DOCK9: variants seen among roughly 807,000 people sequenced by gnomAD.
DOCK9 encodes the protein dedicator of cytokinesis 9, also known as dedicator of cytokinesis protein 9.
DOCK9 carries 89 observed loss-of-function variants against 263.3 expected under a neutral mutation model. The observed-to-expected ratio is 0.34, with a 90% confidence interval of 0.28 to 0.40. The LOEUF is 0.40. Among genes scored for constraint, DOCK9 ranks in the 10% least tolerant of loss-of-function variants. DOCK9 has a pLI of 1.00. For synonymous variants in DOCK9, 976 were observed against 973.1 expected (o/e 1.00, Z -0.06); for missense variants, 2,140 against 2,603.4 (o/e 0.82, Z 3.87).
chr13:99,070,049 A>T (rs1252752433), intron 1 of DOCK9, among the ~76,000 whole-genome samples: 1 of 152,230 alleles, frequency 6.6e-6, no homozygotes, highest in African/African-American at 2.4e-5. Context: ...ATAAACAGTC[A>T]AATGCAAAGT....
intron 36 of DOCK9, among the ~76,000 whole-genome samples, chr13:98,849,016 C>T (rs994045368): frequency 5.3e-5 from 8 of 152,272 alleles, no homozygotes; most frequent in African/African-American, 1.9e-4. Context: ...CTTATTCATC[C>T]TCATTTACAT....
At chr13:99,025,258 C>T (rs1216797760) in intron 1 of DOCK9, 2 of 152,160 alleles carry the variant, frequency 1.3e-5, no homozygotes, top group Non-Finnish European at 2.9e-5. Flanking sequence ...ACCACATATA[C>T]TATTATAAAA....
chr13:98,830,817 A>G (rs933098361), intron 41 of DOCK9, among the ~76,000 whole-genome samples: 3 of 152,222 alleles, frequency 2.0e-5, no homozygotes, highest in Non-Finnish European at 4.4e-5. Flanking sequence ...TATGTGGACA[A>G]TAAATATTGT....
chr13:98,989,855 C>T (rs1046201822), intron 1 of DOCK9, among the ~76,000 whole-genome samples: 79 of 152,232 alleles, frequency 5.2e-4, no homozygotes, highest in African/African-American at 1.9e-3. Flanking sequence ...ACCATTCCCC[C>T]TCTTCCCCCA....
intron 20 of DOCK9, chr13:98,885,325 T>C: frequency 1.7e-6 from 1 of 585,900 alleles, no homozygotes. Context: ...ATATGCAGGC[T>C]GGGCATGGTG....
At position 98,902,273 on chromosome 13, in the gene DOCK9, G is replaced by A. The variant is rs768284899; in HGVS notation, c.1380+15C>T. ...TGAGTCTGAGTAGTGGGAATGCTGG[G>A]CTCATACTCCCCACCTGCTTCGGAT... On this transcript the variant is annotated intron_variant, in intron 12 of 52. Transcript: ENST00000682017. 1.2e-6 allele frequency: 2 copies of A among 1,611,910 alleles called. No individual in the cohort carries two copies. Among genetic ancestry groups the A allele is most frequent in the Non-Finnish European group, 1.7e-6 (2 of 1,179,232 alleles).
chr13:98,810,415 C>T (rs2091199061), intron 45 of DOCK9, 124 bp from the exon 46 acceptor site: 1 of 1,188,712 alleles, frequency 8.4e-7, no homozygotes, highest in African/African-American at 1.5e-5. Flanking sequence ...CAACATGCAT[C>T]AACACTCACT....
intron 37 of DOCK9, chr13:98,847,647 C>T (rs1282704917): frequency 6.6e-6 from 1 of 152,150 alleles, no homozygotes. Context: ...AGGAAGTCTA[C>T]TAAAAATCTC....
chr13:98,873,418 C>T lies in DOCK9; in HGVS notation c.2944-5041G>A, dbSNP rs116932581. ...TTTGTGAAACAATGGCTGGTGACTT[C>T]CCAGTATCTGTTCTCTCTTCCCTCT... On this transcript the variant is annotated intron_variant, in intron 27 of 52. Transcript: ENST00000682017. Among the ~76,000 whole-genome samples the T allele has an allele frequency of 5.2e-3, 799 of 152,338 alleles. 6 individuals carry two copies. Among genetic ancestry groups the T allele is most frequent in the Non-Finnish European group, 5.6e-3 (381 of 68,026 alleles).
At chr13:99,086,798 A>G (rs2042358045), upstream of DOCK9, among the ~76,000 whole-genome samples, 1 of 149,220 alleles carries the variant, frequency 6.7e-6, no homozygotes, top group Admixed American at 6.6e-5. Flanking sequence ...CGCTGGAGCT[A>G]GGCGGCCGGA....
At chr13:98,872,622 G>A (rs1212241411) in intron 27 of DOCK9, among the ~76,000 whole-genome samples, 2 of 152,080 alleles carry the variant, frequency 1.3e-5, no homozygotes, top group Admixed American at 6.5e-5. Flanking sequence ...GCTCAGGCTG[G>A]TCTGGAATTC....
intron 38 of DOCK9, among the ~76,000 whole-genome samples, chr13:98,842,187 C>G (rs1433036739): frequency 1.3e-5 from 2 of 152,048 alleles, no homozygotes; most frequent in African/African-American, 2.4e-5. Context: ...TAAATGGGGC[C>G]TGACAAGCCA....
chr13:98,968,545 T>G (rs9517517), intron 1 of DOCK9, among the ~76,000 whole-genome samples: 32,709 of 152,020 alleles, frequency 0.22, 3,911 homozygotes, highest in East Asian at 0.46. Flanking sequence ...GCTTGCACCC[T>G]GGAGGCGGGG....
intron 1 of DOCK9, among the ~76,000 whole-genome samples, chr13:99,054,037 G>A (rs188701005): frequency 8.5e-5 from 13 of 152,194 alleles, no homozygotes; most frequent in Non-Finnish European, 8.8e-5. Context: ...AAAACCAGGG[G>A]TGAATTTCTG....
chr13:99,036,566 A>G (rs979486048), intron 1 of DOCK9, among the ~76,000 whole-genome samples: 4 of 152,152 alleles, frequency 2.6e-5, no homozygotes, highest in Non-Finnish European at 2.9e-5. Context: ...TTTTTGAGAC[A>G]GAGTCTTGCT....
chr13:98,871,070 T>C (rs2094172999), intron 27 of DOCK9, among the ~76,000 whole-genome samples: 1 of 152,188 alleles, frequency 6.6e-6, no homozygotes, highest in Non-Finnish European at 1.5e-5. Context: ...GAATATAGAC[T>C]GGGTGTTAGA....
Position 98,879,925 on chromosome 13 carries a change from C to A in DOCK9, c.2916G>T (p.Gln972His), listed in dbSNP as rs1365615752. Reference sequence around the variant, plus strand: ...TAACTTTGGAGTTCTCTATCAAATGCTGAGCCATAGATTTGATCAGTACAT... The same window carrying A: ...TAACTTTGGAGTTCTCTATCAAATGATGAGCCATAGATTTGATCAGTACAT... ...FFDVLIKSMA[Q>H]HLIENSKVKL... is the part of the protein sequence containing the mutation. Residue 972 changes from glutamine to histidine, a missense_variant, in exon 27 of 53, where the codon CAG (glutamine) becomes CAT (histidine). Gln to His is a conservative substitution (Grantham distance 24). This residue lies in a region of DOCK9 where 1,521 missense variants were observed against 1,741.7 expected (regional missense o/e 0.87). Coordinates refer to ENST00000682017, the MANE Select transcript of DOCK9 (RefSeq NM_001366683.2). 11 of 1,609,420 alleles carry A rather than the reference C, an allele frequency of 6.8e-6. No individual in the cohort carries two copies. The Admixed American group carries it at 1.9e-4, about 27-fold the overall frequency.
chr13:98,830,809 T>C (rs9513495), intron 41 of DOCK9, among the ~76,000 whole-genome samples: 4,969 of 152,182 alleles, frequency 0.033, 115 homozygotes, highest in South Asian at 0.069. Context: ...ACGAATCCTA[T>C]GTGGACAATA....
At chr13:98,925,298 C>T (rs7339203) in intron 4 of DOCK9, among the ~76,000 whole-genome samples, 96,728 of 151,978 alleles carry the variant, frequency 0.64, 31,437 homozygotes, top group Middle Eastern at 0.77. Context: ...CTAGCTACCG[C>T]GATTCACTTT....
Sources: gnomAD v4.1 joint callset for allele counts (sites outside exome capture counted in the v4.1 genomes callset) on GRCh38, gnomAD v4.1.1 for gene constraint, gnomAD v4.1.1 regional missense constraint, MANE v1.5 for transcripts, NCBI Gene and HGNC (gene_info 2026-07-23, HGNC 2026-07-21) for gene names.